Variants in RHOT1 observed in about 807,000 individuals in gnomAD.
The protein encoded by RHOT1 is ras homolog family member T1, also known as mitochondrial Rho GTPase 1.
A neutral mutation model predicts 95.3 loss-of-function variants in RHOT1; 27 were observed. The observed-to-expected ratio is 0.28, with a 90% CI of 0.21 to 0.39. RHOT1 has a LOEUF of 0.39. RHOT1 is among the 10% of genes least tolerant of loss of function. The pLI is 1.00. For missense variants in RHOT1, 578 were observed against 786.7 expected, an observed-to-expected ratio of 0.73 and a Z score of 3.17; for synonymous variants, 227 against 263.5, an observed-to-expected ratio of 0.86 and a Z score of 1.34.
At chr17:32,181,700 G>T (rs2035649650) in intron 6 of RHOT1, among the ~76,000 whole-genome samples, 1 of 152,100 alleles carries the variant, frequency 6.6e-6, no homozygotes, top group African/African-American at 2.4e-5. Context: ...TTATTTTCAT[G>T]CTGTATTTCA....
At chr17:32,161,289 T>C (rs547340092) in intron 1 of RHOT1, among the ~76,000 whole-genome samples, 3 of 152,296 alleles carry the variant, frequency 2.0e-5, no homozygotes, top group Non-Finnish European at 2.9e-5. Context: ...CAGCCGCTGA[T>C]TGGGGGCCAC....
intron 8 of RHOT1, among the ~76,000 whole-genome samples, chr17:32,191,261 A>C (rs2036469651): frequency 6.6e-6 from 1 of 152,140 alleles, no homozygotes; most frequent in South Asian, 2.1e-4. Context: ...TTTCTTTCCT[A>C]TTTTTTAAAG....
chr17:32,209,597 G>T (rs768529547), intron 18 of RHOT1: 41 of 532,964 alleles, frequency 7.7e-5, no homozygotes, highest in Admixed American at 9.7e-5. Context: ...ATATTACGTT[G>T]TCTTCCTTAC....
intron 19 of RHOT1, among the ~76,000 whole-genome samples, chr17:32,220,477 G>A (rs1299992279): frequency 2.0e-5 from 3 of 152,086 alleles, no homozygotes; most frequent in East Asian, 1.9e-4. Context: ...CTTATAACAC[G>A]TGTGAAAAAT....
chr17:32,166,621 G>C (rs2034111985), intron 1 of RHOT1, among the ~76,000 whole-genome samples: 2 of 152,168 alleles, frequency 1.3e-5, no homozygotes, highest in Non-Finnish European at 2.9e-5. Context: ...GTCCTTTGTT[G>C]TCATTTCAAT....
intron 1 of RHOT1, chr17:32,150,695 A>G (rs1484913076): frequency 2.5e-6 from 4 of 1,601,318 alleles, no homozygotes; most frequent in Non-Finnish European, 3.4e-6. Flanking sequence ...ATGATTTGGG[A>G]TATGTCATAG....
At chr17:32,144,861 T>G (rs930882174) in intron 1 of RHOT1, among the ~76,000 whole-genome samples, 6 of 150,348 alleles carry the variant, frequency 4.0e-5, no homozygotes, top group African/African-American at 1.5e-4. Context: ...GGCATGGTGG[T>G]GTGCACCTGT....
rs942241808 is a variant in RHOT1, at chr17:32,188,540, T to G, written c.541-3661T>G. ...ATTTTCAAAGATGGGACATGTAAAATCTCATTACAGATCAGCATTAACATA... is the reference window on the plus strand; with the variant it reads ...ATTTTCAAAGATGGGACATGTAAAAGCTCATTACAGATCAGCATTAACATA... On this transcript the variant is annotated intron_variant, in intron 8 of 19. Coordinates refer to ENST00000545287, the MANE Select transcript of RHOT1 (RefSeq NM_001033566.3). Among the ~76,000 whole-genome samples, 66 of 152,246 alleles carry G rather than the reference T, an allele frequency of 4.3e-4. 1 individual carries two copies. The highest frequency in any genetic ancestry group is 4.3e-3 in the Admixed American group (66 of 15,278).
chr17:32,198,287 A>G (rs1455794186), intron 11 of RHOT1, among the ~76,000 whole-genome samples: 3 of 152,236 alleles, frequency 2.0e-5, no homozygotes, highest in Non-Finnish European at 4.4e-5. Flanking sequence ...CATCATTTTC[A>G]ACTCATTACA....
chr17:32,217,704 A>G (rs1287031952), intron 19 of RHOT1, among the ~76,000 whole-genome samples: 2 of 151,042 alleles, frequency 1.3e-5, no homozygotes, highest in African/African-American at 4.9e-5. Context: ...GCAGTGAGCC[A>G]AGATTGCACC....
chr17:32,158,822 C>T (rs1031723112), intron 1 of RHOT1, among the ~76,000 whole-genome samples: 8 of 152,242 alleles, frequency 5.3e-5, no homozygotes, highest in African/African-American at 9.6e-5. Context: ...CTCTGAGTTC[C>T]GACACCAATT....
intron 16 of RHOT1, among the ~76,000 whole-genome samples, chr17:32,206,152 C>G (rs957085302): frequency 6.6e-5 from 10 of 151,344 alleles, no homozygotes; most frequent in African/African-American, 2.4e-4. Context: ...GGGCCTGCCC[C>G]CACACATTAG....
At chr17:32,149,627 A>ATGTGTGTGTGTGTG (rs1488563031) in intron 1 of RHOT1, among the ~76,000 whole-genome samples, 60 of 87,148 alleles carry the variant, frequency 6.9e-4, no homozygotes, top group Middle Eastern at 5.2e-3. Flanking sequence ...ATATATATAT[A>ATGTGTGTGTGTGTG]TATATATATG....
At chr17:32,176,110 GT>G (rs1567679050) in intron 5 of RHOT1, 50 bp from the exon 6 acceptor site, 1 of 1,592,546 alleles carries the variant, frequency 6.3e-7, no homozygotes, top group East Asian at 2.2e-5. Context: ...AGGGAAGAGT[GT>G]TTTGTAAAGA....
chr17:32,162,664 G>A (rs933241575), intron 1 of RHOT1, among the ~76,000 whole-genome samples: 5 of 152,226 alleles, frequency 3.3e-5, no homozygotes, highest in Admixed American at 3.3e-4. Flanking sequence ...TGTGCTAGAG[G>A]CCCTTTTCCC....
At chr17:32,185,488 C>T (rs905582718) in intron 8 of RHOT1, among the ~76,000 whole-genome samples, 8 of 152,000 alleles carry the variant, frequency 5.3e-5, no homozygotes, top group African/African-American at 1.9e-4. Flanking sequence ...GCTCACTGCC[C>T]CCTCGACTTC....
In RHOT1 at chr17:32,194,075, C is replaced by T. The variant is rs149000823; in HGVS notation, c.837C>T (p.Asp279=). The stretch of plus-strand genomic sequence containing the variant: ...TTCGACGATTTGGTTATGATGATGA[C>T]CTGGATTTGACACCTGAATATTTGT... ...TVLRRFGYDD[D]LDLTPEYLFP... Residue 279 remains aspartate (D), a synonymous_variant, in exon 11 of 20, where the codon GAC becomes GAT. Coordinates refer to ENST00000545287, the MANE Select transcript of RHOT1 (RefSeq NM_001033566.3). 3.1e-6 allele frequency: 5 copies of T among 1,613,898 alleles called. No homozygotes were observed. In the African/African-American group the frequency reaches 6.7e-5, roughly 22 times the overall value.
intron 11 of RHOT1, among the ~76,000 whole-genome samples, chr17:32,196,076 C>A (rs1246229446): frequency 6.6e-6 from 1 of 152,042 alleles, no homozygotes; most frequent in Non-Finnish European, 1.5e-5. Flanking sequence ...CCTTATGAAA[C>A]CCTCTGCATC....
chr17:32,183,414 G>A (rs2035790990), intron 8 of RHOT1, 142 bp downstream of exon 8: 1 of 429,622 alleles, frequency 2.3e-6, no homozygotes, highest in African/African-American at 2.1e-5. Context: ...TTACATTTTG[G>A]TACTCTTCTT....
Sources: allele counts gnomAD v4.1 joint callset (sites outside exome capture counted in the v4.1 genomes callset), GRCh38; gene constraint gnomAD v4.1.1; transcripts MANE v1.5; gene names NCBI Gene and HGNC (gene_info 2026-07-23, HGNC 2026-07-21).